Variants in OSBPL10 observed in about 807,000 individuals in gnomAD.
OSBPL10 encodes the protein oxysterol-binding protein-related protein 10.
Under a neutral mutation model 81.7 loss-of-function variants are expected in OSBPL10, and 49 were observed. The observed-to-expected ratio is 0.60, with a 90% CI of 0.48 to 0.76. The LOEUF is 0.76. Among genes scored for constraint, OSBPL10 ranks in the 30% least tolerant of loss-of-function variants. The pLI, the probability that OSBPL10 is intolerant of heterozygous loss-of-function variation, is 0.00. For missense variants in OSBPL10, 923 were observed against 987.8 expected (o/e 0.93, Z 0.88); for synonymous variants, 419 against 383.6 (o/e 1.09, Z -1.08).
chr3:31,833,737 A>ACTCT (rs1553631718), intron 3 of OSBPL10, among the ~76,000 whole-genome samples: 394 of 139,910 alleles, frequency 2.8e-3, no homozygotes, highest in African/African-American at 8.0e-3. Flanking sequence ...ACACACACAC[A>ACTCT]CTCTCTCTCT....
intron 8 of OSBPL10, among the ~76,000 whole-genome samples, chr3:31,679,490 A>G (rs12636964): frequency 0.044 from 6,706 of 152,312 alleles, 377 homozygotes; most frequent in East Asian, 0.32. Context: ...TGGGTAAATG[A>G]CAGATTTATT....
At chr3:31,848,145 C>G (rs954329927) in intron 3 of OSBPL10, among the ~76,000 whole-genome samples, 6 of 152,094 alleles carry the variant, frequency 3.9e-5, no homozygotes, top group Non-Finnish European at 8.8e-5. Flanking sequence ...GACACCTGCC[C>G]TGAAGCTTTG....
chr3:31,920,912 A>T (rs564712048), intron 1 of OSBPL10, among the ~76,000 whole-genome samples: 1 of 152,326 alleles, frequency 6.6e-6, no homozygotes, highest in African/African-American at 2.4e-5. Flanking sequence ...CCAACACCAG[A>T]AGCAGATACC....
chr3:31,977,140 C>T, intron 1 of OSBPL10, among the ~76,000 whole-genome samples: 1 of 152,104 alleles, frequency 6.6e-6, no homozygotes, highest in East Asian at 1.9e-4. Context: ...AAACACATTC[C>T]CCTCCTGTGA....
At chr3:32,008,586 A>T (rs1699225541) in intron 2 of OSBPL10, among the ~76,000 whole-genome samples, 1 of 151,866 alleles carries the variant, frequency 6.6e-6, no homozygotes, top group Non-Finnish European at 1.5e-5. Flanking sequence ...AAAGACAAAA[A>T]AAAACCCACA....
intron 2 of OSBPL10, among the ~76,000 whole-genome samples, chr3:32,025,509 T>C (rs1201797599): frequency 6.6e-6 from 1 of 152,202 alleles, no homozygotes; most frequent in Non-Finnish European, 1.5e-5. Flanking sequence ...AGGTTAATGC[T>C]GCCCTCATTG....
intron 2 of OSBPL10, among the ~76,000 whole-genome samples, chr3:31,878,994 T>C (rs1484242889): frequency 6.6e-6 from 1 of 152,208 alleles, no homozygotes; most frequent in East Asian, 1.9e-4. Context: ...TTATTACAAG[T>C]CTGACATTTC....
chr3:32,005,414 G>A lies in OSBPL10; in HGVS notation n.298+41077C>T, dbSNP rs569428223. Among the ~76,000 whole-genome samples, 16 of 149,532 alleles carry A rather than the reference G, an allele frequency of 1.1e-4. No individual in the cohort carries two copies. The South Asian group carries it at 1.5e-3, about 14-fold the overall frequency. ...CTACCACATTAATCTGGAGATTAACGTAGCATCTGTAGACCTGTCCCTTTA... is the reference window on the plus strand; with the variant it reads ...CTACCACATTAATCTGGAGATTAACATAGCATCTGTAGACCTGTCCCTTTA... On this transcript the variant is annotated intron_variant and non_coding_transcript_variant, in intron 2 of 3. Transcript: ENST00000479173.
chr3:32,067,536 T>G lies in OSBPL10; in HGVS notation n.185+9860A>C, dbSNP rs576217113. The stretch of plus-strand genomic sequence containing the variant: ...CCTGCACATATACATCCAGATGGCC[T>G]GAAGCAACTGAAGATCCACAAAAGA... On this transcript the variant is annotated intron_variant and non_coding_transcript_variant, in intron 1 of 3. Transcript: ENST00000479173. Among the ~76,000 whole-genome samples, 144 of 152,326 alleles carry G rather than the reference T, an allele frequency of 9.5e-4. 1 individual carries two copies. Among genetic ancestry groups the G allele is most frequent in the Non-Finnish European group, 1.6e-3 (111 of 68,030 alleles).
chr3:32,041,239 C>T (rs553123121), intron 2 of OSBPL10, among the ~76,000 whole-genome samples: 14 of 152,276 alleles, frequency 9.2e-5, no homozygotes, highest in East Asian at 3.9e-4. Flanking sequence ...TAAGTTCCCA[C>T]GCCCTGATGG....
chr3:31,913,857 C>T (rs527728652), intron 1 of OSBPL10, among the ~76,000 whole-genome samples: 10 of 152,148 alleles, frequency 6.6e-5, no homozygotes, highest in African/African-American at 9.7e-5. Context: ...CTCATATTCT[C>T]GGAGAACCAA....
intron 3 of OSBPL10, among the ~76,000 whole-genome samples, chr3:31,863,852 G>C (rs114957455): frequency 6.6e-6 from 1 of 152,100 alleles, no homozygotes; most frequent in African/African-American, 2.4e-5. Flanking sequence ...AAAATAAAAT[G>C]TGGTATCTTG....
rs192601322 is a variant in OSBPL10, at chr3:31,750,778, C to A, written c.730-2658G>T. On this transcript the variant is annotated intron_variant, in intron 4 of 11. Transcript: ENST00000396556. Reference sequence around the variant, plus strand: ...TGCCATAATCTTAAGATTTTATTCACCTTAAGAGAAAAGGTGAATAAAATC... The same window carrying A: ...TGCCATAATCTTAAGATTTTATTCAACTTAAGAGAAAAGGTGAATAAAATC... Among the ~76,000 whole-genome samples the A allele has an allele frequency of 2.5e-3, 376 of 151,964 alleles. 3 individuals are homozygous for A. The highest frequency in any genetic ancestry group is 8.6e-3 in the African/African-American group (357 of 41,402).
chr3:31,721,065 GGAAGAGGGAAGCA>G (rs1230262592), intron 6 of OSBPL10, among the ~76,000 whole-genome samples: 2 of 152,084 alleles, frequency 1.3e-5, no homozygotes, highest in African/African-American at 4.8e-5. Context: ...CCTTAAGAGT[GGAAGAGGGAAGCA>G]GAAGAGGGAA....
At chr3:31,905,878 C>T (rs1202901149) in intron 1 of OSBPL10, among the ~76,000 whole-genome samples, 2 of 142,278 alleles carry the variant, frequency 1.4e-5, no homozygotes, top group East Asian at 4.2e-4. Context: ...TATTCTATTC[C>T]CATCACCTCA....
At chr3:31,774,145 A>G (rs1698472662) in intron 4 of OSBPL10, among the ~76,000 whole-genome samples, 1 of 150,408 alleles carries the variant, frequency 6.6e-6, no homozygotes, top group South Asian at 2.1e-4. Context: ...CTGGGCAACA[A>G]GAGCAAAACT....
chr3:31,685,217 T>C (rs1313678738), intron 7 of OSBPL10, among the ~76,000 whole-genome samples: 1 of 152,164 alleles, frequency 6.6e-6, no homozygotes, highest in Non-Finnish European at 1.5e-5. Context: ...TTTTTGTTTG[T>C]TTTGAGACAG....
At chr3:31,996,793 TA>T (rs1699094075) in intron 2 of OSBPL10, among the ~76,000 whole-genome samples, 1 of 152,032 alleles carries the variant, frequency 6.6e-6, no homozygotes, top group South Asian at 2.1e-4. Flanking sequence ...GTGCAGAACT[TA>T]AAAAAATAAA....
At chr3:32,032,310 G>A (rs544131221) in intron 2 of OSBPL10, among the ~76,000 whole-genome samples, 2 of 152,166 alleles carry the variant, frequency 1.3e-5, no homozygotes, top group African/African-American at 4.8e-5. Flanking sequence ...AGCTACTCAG[G>A]AGGCTAAGGT....
Sources: allele counts gnomAD v4.1 joint callset (sites outside exome capture counted in the v4.1 genomes callset), GRCh38; gene constraint gnomAD v4.1.1; transcripts MANE v1.5; gene names NCBI Gene and HGNC (gene_info 2026-07-23, HGNC 2026-07-21).